Variants in ERP44 observed in about 807,000 individuals in gnomAD.
ERP44 encodes endoplasmic reticulum resident protein 44.
A neutral mutation model predicts 53.4 loss-of-function variants in ERP44; 25 were observed. The ratio of observed to expected loss-of-function variants is 0.47; its 90% CI spans 0.34 to 0.65. ERP44 has a LOEUF of 0.65. Ranked by LOEUF, ERP44 falls within the 30% of genes least tolerant of loss-of-function variation. The probability of loss-of-function intolerance (pLI) is 0.01; values close to 1 mark genes in which losing one functional copy is unlikely to be tolerated. For missense variants in ERP44, 338 were observed against 493.2 expected, an observed-to-expected ratio of 0.69 and a Z score of 2.98; for synonymous variants, 145 against 161.2, an observed-to-expected ratio of 0.90 and a Z score of 0.76.
chr9:100,090,430 C>T (rs1370945170), intron 1 of ERP44, among the ~76,000 whole-genome samples: 2 of 152,098 alleles, frequency 1.3e-5, no homozygotes. Context: ...CTGGCATTTC[C>T]CCCTACATTA....
intron 1 of ERP44, among the ~76,000 whole-genome samples, chr9:100,067,979 A>G (rs963214190): frequency 6.8e-6 from 1 of 146,574 alleles, no homozygotes; most frequent in Non-Finnish European, 1.5e-5. Flanking sequence ...TCCGGGAGGG[A>G]GGTGGGGGTC....
intron 3 of ERP44, among the ~76,000 whole-genome samples, chr9:100,056,094 T>C (rs940997587): frequency 6.6e-6 from 1 of 152,238 alleles, no homozygotes; most frequent in Non-Finnish European, 1.5e-5. Context: ...TCTATTACCC[T>C]TTCTTGCAAC....
chr9:100,075,669 G>T (rs540608420), intron 1 of ERP44, among the ~76,000 whole-genome samples: 2 of 152,282 alleles, frequency 1.3e-5, no homozygotes, highest in South Asian at 4.1e-4. Context: ...GGTTTCAGTG[G>T]TGTGGGGCCT....
chr9:100,006,809 A>G (rs1830429231), intron 9 of ERP44, among the ~76,000 whole-genome samples, 162 bp from the exon 10 acceptor site: 1 of 152,242 alleles, frequency 6.6e-6, no homozygotes, highest in Admixed American at 6.5e-5. Flanking sequence ...TAACACTTAA[A>G]ATAGGTAGGC....
chr9:100,089,142 T>C (rs1409505775), intron 1 of ERP44, among the ~76,000 whole-genome samples: 4 of 152,236 alleles, frequency 2.6e-5, no homozygotes, highest in African/African-American at 9.6e-5. Flanking sequence ...AATCATCCTT[T>C]TGTCCAGCAT....
chr9:99,997,966 A>G (rs1309905699), intron 10 of ERP44, among the ~76,000 whole-genome samples: 2 of 151,824 alleles, frequency 1.3e-5, no homozygotes, highest in Non-Finnish European at 2.9e-5. Context: ...CAGCACTGAA[A>G]GTGCTTCAGG....
In ERP44 at chr9:100,022,127, A is replaced by G; in HGVS notation, c.386T>C (p.Val129Ala). ...CCTGATGTAATCTGCCAATGCTTTC[A>G]CTGATCGCTGACCCCTGTATTCTCT... ...MKREYRGQRS[V>A]KALADYIRQQ... is the part of the protein sequence containing the mutation. The change falls in exon 5 of 12, where the codon GTG (valine) becomes GCG (alanine). Residue 129 changes from valine to alanine, a missense_variant. Transcript: ENST00000262455. 6.2e-7 allele frequency: 1 copy of G among 1,613,992 alleles called. No homozygotes were observed. The highest frequency in any genetic ancestry group is 1.1e-5 in the South Asian group (1 of 91,074).
chr9:100,037,874 A>G (rs1825860525), intron 4 of ERP44, among the ~76,000 whole-genome samples: 2 of 152,206 alleles, frequency 1.3e-5, no homozygotes, highest in South Asian at 2.1e-4. Flanking sequence ...TGGAACTCCA[A>G]TAGGTCTGGC....
chr9:100,081,708 G>A (rs919084740), intron 1 of ERP44, among the ~76,000 whole-genome samples: 40 of 152,138 alleles, frequency 2.6e-4, no homozygotes, highest in Non-Finnish European at 4.9e-4. Flanking sequence ...CCATAATCAC[G>A]TCTATTGGGG....
intron 4 of ERP44, among the ~76,000 whole-genome samples, chr9:100,050,072 T>C (rs953853016): frequency 1.3e-5 from 2 of 149,684 alleles, no homozygotes; most frequent in Admixed American, 6.6e-5. Context: ...AAAAACCTCA[T>C]ACTGTATGAT....
In ERP44 at chr9:100,096,786, G is replaced by C. The variant is rs183318162; in HGVS notation, c.57+1998C>G. 2.0e-5 allele frequency among the ~76,000 whole-genome samples: 3 copies of C among 152,244 alleles called. No individual in the cohort carries two copies. In the East Asian group the frequency reaches 5.8e-4, roughly 29 times the overall value. On this transcript the variant is annotated intron_variant, in intron 1 of 11. Transcript: ENST00000262455. ...AGGAATAAACTTGAGGTCTGAGAGA[G>C]AAAGTTGGAAGAGTAGGAAAAAAGT...
intron 1 of ERP44, among the ~76,000 whole-genome samples, chr9:100,067,659 G>C (rs1475548368): frequency 2.6e-5 from 4 of 151,470 alleles, no homozygotes; most frequent in Non-Finnish European, 5.9e-5. Context: ...CCCATCGTCT[G>C]GGAGTTGAGG....
chr9:100,083,285 TTACAATGCATCAA>T (rs1246843177), intron 1 of ERP44, among the ~76,000 whole-genome samples: 33 of 151,960 alleles, frequency 2.2e-4, no homozygotes, highest in Non-Finnish European at 4.4e-4. Flanking sequence ...AGTGGATAAA[TTACAATGCATCAA>T]TACAATGGAA....
At chr9:100,019,083 C>A (rs1195171602) in intron 6 of ERP44, among the ~76,000 whole-genome samples, 2 of 151,730 alleles carry the variant, frequency 1.3e-5, no homozygotes, top group African/African-American at 4.8e-5. Context: ...TTGGTGGTTA[C>A]AAAAAAATGC....
At position 100,041,096 on chromosome 9, in the gene ERP44, T is replaced by C. The variant is rs541135914; in HGVS notation, c.286+11321A>G. On this transcript the variant is annotated intron_variant, in intron 4 of 11. Coordinates refer to ENST00000262455, the MANE Select transcript of ERP44 (RefSeq NM_015051.3). ...TACCAAAAGCAATCTACCTATTCAA[T>C]GCAATCCCTATCAAAATACCAATGA... Among the ~76,000 whole-genome samples the C allele has an allele frequency of 7.9e-5, 12 of 152,232 alleles. No individual in the cohort carries two copies. In the East Asian group the frequency reaches 2.1e-3, roughly 27 times the overall value.
intron 11 of ERP44, among the ~76,000 whole-genome samples, chr9:99,984,069 A>T (rs1830174806): frequency 6.6e-6 from 1 of 152,232 alleles, no homozygotes; most frequent in Admixed American, 6.5e-5. Flanking sequence ...ATAGTTGTTA[A>T]TTATCAAAAA....
chr9:99,985,965 T>C (rs952062280), intron 10 of ERP44, among the ~76,000 whole-genome samples: 1 of 152,218 alleles, frequency 6.6e-6, no homozygotes, highest in African/African-American at 2.4e-5. Context: ...TAATGATATA[T>C]AAACTGACAC....
intron 1 of ERP44, among the ~76,000 whole-genome samples, chr9:100,065,914 CAA>C (rs1018374212): frequency 1.1e-4 from 16 of 152,268 alleles, no homozygotes; most frequent in South Asian, 1.0e-3. Context: ...GTTTAGAAAA[CAA>C]GAAGTATTTC....
chr9:100,096,663 A>G (rs999051767), intron 1 of ERP44, among the ~76,000 whole-genome samples: 1 of 152,190 alleles, frequency 6.6e-6, no homozygotes, highest in Non-Finnish European at 1.5e-5. Flanking sequence ...AAATTATCAT[A>G]GTAAGAGAAT....
Sources: allele counts gnomAD v4.1 joint callset (sites outside exome capture counted in the v4.1 genomes callset), GRCh38; gene constraint gnomAD v4.1.1; transcripts MANE v1.5; gene names NCBI Gene and HGNC (gene_info 2026-07-23, HGNC 2026-07-21).